Variants in ETV6 observed in about 807,000 individuals in gnomAD.
ETV6 encodes transcription factor ETV6.
Under a neutral mutation model 51.1 loss-of-function variants are expected in ETV6, and 16 were observed. The observed-to-expected ratio is 0.31, with a 90% CI of 0.21 to 0.48. The LOEUF is 0.48. ETV6 is among the 20% of genes least tolerant of loss of function. The pLI is 0.99. For synonymous variants in ETV6, 240 were observed against 224.1 expected (o/e 1.07, Z -0.64); for missense variants, 458 against 594.8 (o/e 0.77, Z 2.39).
intron 1 of ETV6, among the ~76,000 whole-genome samples, chr12:11,680,596 G>A (rs1027694771): frequency 2.0e-5 from 3 of 152,226 alleles, no homozygotes; most frequent in African/African-American, 4.8e-5. Context: ...ACTCATGTGA[G>A]GGGAAGAACA....
chr12:11,827,670 G>C (rs1591703373), intron 2 of ETV6, among the ~76,000 whole-genome samples: 1 of 152,134 alleles, frequency 6.6e-6, no homozygotes, highest in Non-Finnish European at 1.5e-5. Flanking sequence ...ACCCGAGAGG[G>C]CTGGGAACAG....
intron 2 of ETV6, among the ~76,000 whole-genome samples, chr12:11,797,155 G>C (rs1361603347): frequency 6.6e-6 from 1 of 152,108 alleles, no homozygotes; most frequent in African/African-American, 2.4e-5. Context: ...ATCTAATCAT[G>C]CCTCTCCATT....
At chr12:11,672,356 C>T (rs1163183708) in intron 1 of ETV6, among the ~76,000 whole-genome samples, 3 of 152,130 alleles carry the variant, frequency 2.0e-5, no homozygotes, top group African/African-American at 4.8e-5. Context: ...TCTATCTGCT[C>T]ACACTTAGAT....
At chr12:11,673,084 G>A (rs985536873) in intron 1 of ETV6, among the ~76,000 whole-genome samples, 1 of 152,226 alleles carries the variant, frequency 6.6e-6, no homozygotes, top group Non-Finnish European at 1.5e-5. Context: ...GAAAGGGAGA[G>A]GGTTTCAGCT....
intron 2 of ETV6, among the ~76,000 whole-genome samples, chr12:11,805,025 G>A (rs1168589783): frequency 6.6e-6 from 1 of 152,122 alleles, no homozygotes; most frequent in East Asian, 1.9e-4. Flanking sequence ...TGAACTTGGC[G>A]TTCTCAGATT....
intron 1 of ETV6, among the ~76,000 whole-genome samples, chr12:11,655,318 G>A (rs554176343): frequency 6.6e-6 from 1 of 152,146 alleles, no homozygotes; most frequent in African/African-American, 2.4e-5. Flanking sequence ...TTAGATGTGT[G>A]TTGGGAACCA....
intron 2 of ETV6, among the ~76,000 whole-genome samples, chr12:11,838,179 C>T (rs1446213034): frequency 6.6e-6 from 1 of 152,104 alleles, no homozygotes; most frequent in Non-Finnish European, 1.5e-5. Flanking sequence ...TAGAACATTC[C>T]ACCTAAGAAA....
rs143279699 is a variant in ETV6 at position 11,895,203 on chromosome 12, C to T, written c.*4157C>T. The T allele has an allele frequency of 6.1e-4, 143 of 232,554 alleles. 1 individual carries two copies. The highest frequency in any genetic ancestry group is 2.9e-3 in the African/African-American group (131 of 45,312). The allele number at this position is 232,554 out of a possible 1,614,324, so 14.4% of individuals were successfully genotyped here. Reference sequence around the variant, plus strand: ...AGAACGACTCTAGAATTTCCTTCCCCGCCCCCCTTTTTGTTTAGTTTCTAA... The same window carrying T: ...AGAACGACTCTAGAATTTCCTTCCCTGCCCCCCTTTTTGTTTAGTTTCTAA... On this transcript the variant is annotated 3_prime_UTR_variant, in exon 8 of 8. Transcript: ENST00000396373.
chr12:11,838,425 C>T (rs958970961), intron 2 of ETV6, among the ~76,000 whole-genome samples: 2 of 152,308 alleles, frequency 1.3e-5, no homozygotes, highest in East Asian at 1.9e-4. Context: ...TCTGTACCCC[C>T]CTCCTGCCCA....
chr12:11,677,074 T>C (rs931807477), intron 1 of ETV6, among the ~76,000 whole-genome samples: 14 of 152,274 alleles, frequency 9.2e-5, no homozygotes, highest in African/African-American at 3.4e-4. Flanking sequence ...GTTTGGTTTT[T>C]AAATTGAGTT....
chr12:11,777,239 C>CAAAA (rs5796465), intron 2 of ETV6, among the ~76,000 whole-genome samples: 1,185 of 78,812 alleles, frequency 0.015, 41 homozygotes, highest in Non-Finnish European at 0.022. Context: ...GACTCCGTGT[C>CAAAA]AAAAAAAAAA....
At chr12:11,874,640 GTA>G (rs1272929371) in intron 5 of ETV6, among the ~76,000 whole-genome samples, 1,340 of 5,696 alleles carry the variant, frequency 0.24, 560 homozygotes, top group African/African-American at 0.34. Flanking sequence ...ATGTGTGTGT[GTA>G]TATACACATA....
chr12:11,818,601 C>T (rs1417686368), intron 2 of ETV6, among the ~76,000 whole-genome samples: 20 of 151,482 alleles, frequency 1.3e-4, no homozygotes, highest in Non-Finnish European at 2.9e-4. Context: ...TGTATGTTCT[C>T]ACTGAATATT....
At chr12:11,823,983 C>T (rs1296736100) in intron 2 of ETV6, among the ~76,000 whole-genome samples, 1 of 152,134 alleles carries the variant, frequency 6.6e-6, no homozygotes, top group Non-Finnish European at 1.5e-5. Flanking sequence ...CCAGAGACCC[C>T]TTAGATTAAT....
rs373972223 is a variant in ETV6, at chr12:11,865,120, G to A, written c.464-4304G>A. 8.4e-3 allele frequency among the ~76,000 whole-genome samples: 1,273 copies of A among 152,018 alleles called. 15 individuals carry two copies. Among genetic ancestry groups the A allele is most frequent in the Middle Eastern group, 0.041 (12 of 294 alleles). On this transcript the variant is annotated intron_variant, in intron 4 of 7. Transcript: ENST00000396373. ...CAAAAAATTAGCCAGGCATGGTGGC[G>A]GGCACCTGTAGTCCCAGCTACTCAG...
At chr12:11,803,135 C>G (rs1280733613) in intron 2 of ETV6, among the ~76,000 whole-genome samples, 3 of 152,182 alleles carry the variant, frequency 2.0e-5, no homozygotes, top group East Asian at 3.9e-4. Context: ...TCCCAACTCT[C>G]CAAATTTCTG....
chr12:11,881,833 C>G (rs138974172), intron 5 of ETV6, among the ~76,000 whole-genome samples: 1 of 152,366 alleles, frequency 6.6e-6, no homozygotes, highest in African/African-American at 2.4e-5. Flanking sequence ...AAACTAGAAT[C>G]ATCCTCCTTC....
intron 1 of ETV6, among the ~76,000 whole-genome samples, chr12:11,683,949 C>T (rs1262558267): frequency 6.6e-6 from 1 of 151,612 alleles, no homozygotes; most frequent in Non-Finnish European, 1.5e-5. Context: ...TGGAAATGTG[C>T]ATAAAGATGA....
intron 1 of ETV6, among the ~76,000 whole-genome samples, chr12:11,747,713 C>A (rs1358712146): frequency 6.6e-6 from 1 of 152,128 alleles, no homozygotes; most frequent in African/African-American, 2.4e-5. Flanking sequence ...GAGTGTATTA[C>A]TTTAGGTTCT....
Sources: gnomAD v4.1 joint callset for allele counts (sites outside exome capture counted in the v4.1 genomes callset) on GRCh38, gnomAD v4.1.1 for gene constraint, MANE v1.5 for transcripts, NCBI Gene and HGNC (gene_info 2026-07-23, HGNC 2026-07-21) for gene names.